The following MGST1 variants were observed in gnomAD, a reference collection of about 807,000 sequenced individuals.
MGST1 encodes glutathione S-transferase 12.
MGST1 carries 5 observed loss-of-function variants against 8.9 expected under a neutral mutation model. The ratio of observed to expected loss-of-function variants is 0.56; its 90% CI spans 0.29 to 1.19. MGST1 has a LOEUF of 1.19. Ranked by LOEUF, MGST1 falls within the 50% of genes most tolerant of loss-of-function variation. MGST1 has a pLI of 0.08. For missense variants in MGST1, 182 were observed against 187.4 expected (o/e 0.97, Z 0.17); for synonymous variants, 54 against 67.8 (o/e 0.80, Z 1.00).
intron 4 of MGST1, among the ~76,000 whole-genome samples, chr12:16,533,191 G>A (rs1941732735): frequency 6.6e-6 from 1 of 152,134 alleles, no homozygotes; most frequent in African/African-American, 2.4e-5. Flanking sequence ...AAAAGACAGA[G>A]GACTCTCATT....
chr12:16,514,222 G>C (rs1366993233), intron 4 of MGST1: 1 of 306,238 alleles, frequency 3.3e-6, no homozygotes, highest in Non-Finnish European at 6.4e-6. Flanking sequence ...CAAGAACATG[G>C]TCTTACACAG....
At chr12:16,358,560 G>A (rs545955050) in intron 3 of MGST1, among the ~76,000 whole-genome samples, 32 of 150,430 alleles carry the variant, frequency 2.1e-4, no homozygotes, top group South Asian at 8.5e-4. Flanking sequence ...TTCTTCTCCT[G>A]GGTTCAAACC....
At chr12:16,485,795 C>T (rs938393241) in intron 4 of MGST1, among the ~76,000 whole-genome samples, 1 of 152,116 alleles carries the variant, frequency 6.6e-6, no homozygotes, top group African/African-American at 2.4e-5. Context: ...CAAGTACTTA[C>T]ATTAGTCAAA....
intron 4 of MGST1, among the ~76,000 whole-genome samples, chr12:16,486,436 T>C (rs1409758001): frequency 6.6e-6 from 1 of 152,122 alleles, no homozygotes; most frequent in East Asian, 1.9e-4. Context: ...ATTTGAAAAA[T>C]GTATAAAATA....
At chr12:16,456,650 A>T (rs1941175364) in intron 4 of MGST1, among the ~76,000 whole-genome samples, 1 of 151,908 alleles carries the variant, frequency 6.6e-6, no homozygotes, top group East Asian at 1.9e-4. Context: ...ACATTAATCT[A>T]ATTCAGTATT....
At chr12:16,351,822 G>T (rs1251604030) in intron 1 of MGST1, among the ~76,000 whole-genome samples, 1 of 151,852 alleles carries the variant, frequency 6.6e-6, no homozygotes, top group Non-Finnish European at 1.5e-5. Context: ...AAAAAGAAAA[G>T]AAAAGGAAAC....
chr12:16,401,332 T>C lies in MGST1; in HGVS notation n.778+17728T>C, dbSNP rs1312910589. 4 of 1,358,866 alleles carry C rather than the reference T, an allele frequency of 2.9e-6. No homozygotes were observed. Among genetic ancestry groups the C allele is most frequent in the Non-Finnish European group, 4.2e-6 (4 of 951,568 alleles). 84.2% of individuals were successfully genotyped at this position (1,358,866 alleles called of 1,614,324 possible). A position where few individuals can be genotyped will look rare whatever the true frequency, so the allele number is the denominator to read the frequency against. On this transcript the variant is annotated intron_variant and non_coding_transcript_variant, in intron 1 of 1. Coordinates refer to the MGST1 transcript ENST00000359720. The surrounding 1 kb of genome is among the most constrained non-coding windows in gnomAD (Gnocchi z 4.3). ...CTTCAGTTTGTATTGATTTTTACTATTGATTACTAGGAAGCTTTCATGGAA... is the reference window on the plus strand; with the variant it reads ...CTTCAGTTTGTATTGATTTTTACTACTGATTACTAGGAAGCTTTCATGGAA...
At chr12:16,403,065 T>C (rs1940672812) in intron 1 of MGST1, among the ~76,000 whole-genome samples, 1 of 151,992 alleles carries the variant, frequency 6.6e-6, no homozygotes, top group Non-Finnish European at 1.5e-5. Context: ...ATAATCATTT[T>C]TATCCTTGAC....
downstream of MGST1, among the ~76,000 whole-genome samples, chr12:16,367,930 C>G (rs1484076183): frequency 8.1e-6 from 1 of 122,772 alleles, no homozygotes; most frequent in Non-Finnish European, 1.5e-5. Flanking sequence ...CTTGGGCTAT[C>G]CAATCATTCT....
chr12:16,531,518 G>A (rs1941723814), intron 4 of MGST1, among the ~76,000 whole-genome samples: 2 of 152,134 alleles, frequency 1.3e-5, no homozygotes, highest in South Asian at 2.1e-4. Context: ...GTACTCAGGA[G>A]GCTGAGGCAG....
At chr12:16,483,314 T>G (rs149344630) in intron 4 of MGST1, among the ~76,000 whole-genome samples, 180 of 152,050 alleles carry the variant, frequency 1.2e-3, no homozygotes, top group African/African-American at 4.3e-3. Context: ...TCTTCCTGAT[T>G]ATTAACTTTA....
chr12:16,410,590 C>T lies in MGST1; in HGVS notation n.779-26798C>T, dbSNP rs1940733943. 6.8e-6 allele frequency among the ~76,000 whole-genome samples: 1 copy of T among 147,490 alleles called. No individual in the cohort carries two copies. Among genetic ancestry groups the T allele is most frequent in the East Asian group, 1.9e-4 (1 of 5,134 alleles). On this transcript the variant is annotated intron_variant and non_coding_transcript_variant, in intron 1 of 1. Coordinates refer to the MGST1 transcript ENST00000359720. This position sits in a 1 kb window ranked among gnomAD's most constrained non-coding sequence, Gnocchi z 4.4. ...TACGTAATATATATTTTTACACATA[C>T]ATATTAATGTTTATATATTACATAT...
chr12:16,541,036 C>G (rs1941790139), intron 4 of MGST1, among the ~76,000 whole-genome samples: 1 of 152,088 alleles, frequency 6.6e-6, no homozygotes, highest in Non-Finnish European at 1.5e-5. Flanking sequence ...TTAATACACA[C>G]ATATATTAGG....
At chr12:16,565,223 A>C (rs755715975) in intron 4 of MGST1, among the ~76,000 whole-genome samples, 6 of 152,238 alleles carry the variant, frequency 3.9e-5, no homozygotes, top group Non-Finnish European at 7.3e-5. Context: ...CAATCAATTG[A>C]AAAGATTTTT....
At position 16,587,721 on chromosome 12, in the gene MGST1, T is replaced by C. The variant is rs188853672; in HGVS notation, n.483-1807T>C. On this transcript the variant is annotated intron_variant and non_coding_transcript_variant, in intron 4 of 4. Coordinates refer to the MGST1 transcript ENST00000538857. This position sits in a 1 kb window ranked among gnomAD's most constrained non-coding sequence, Gnocchi z 4.3. Reference sequence around the variant, plus strand: ...TCACTACAGGAGACAAACAATGATATGTATTACATGCAGTAAACACTGCCT... The same window carrying C: ...TCACTACAGGAGACAAACAATGATACGTATTACATGCAGTAAACACTGCCT... Among the ~76,000 whole-genome samples, 8 of 151,816 alleles carry C rather than the reference T, an allele frequency of 5.3e-5. No individual in the cohort carries two copies. The highest frequency in any genetic ancestry group is 1.2e-4 in the Non-Finnish European group (8 of 67,738).
At position 16,560,629 on chromosome 12, in the gene MGST1, C is replaced by A; in HGVS notation, n.483-28899C>A. On this transcript the variant is annotated intron_variant and non_coding_transcript_variant, in intron 4 of 4. Transcript: ENST00000538857. The surrounding 1 kb of genome is among the most constrained non-coding windows in gnomAD (Gnocchi z 5.0). The stretch of plus-strand genomic sequence containing the variant: ...GATGATGTTAATATACTCTGTAAAG[C>A]TACAATACACAATGCTTTATGATGT... 8.9e-7 allele frequency: 1 copy of A among 1,126,298 alleles called. No individual in the cohort carries two copies. The highest frequency in any genetic ancestry group is 2.1e-5 in the Admixed American group (1 of 46,922). The allele number at this position is 1,126,298 out of a possible 1,614,324, so 69.8% of individuals were successfully genotyped here.
intron 4 of MGST1, among the ~76,000 whole-genome samples, chr12:16,534,683 T>C (rs1678429511): frequency 6.6e-6 from 1 of 152,224 alleles, no homozygotes; most frequent in African/African-American, 2.4e-5. Flanking sequence ...GTTTTTATTT[T>C]TCTAGACAAT....
At chr12:16,562,886 A>C (rs73322829) in intron 4 of MGST1, among the ~76,000 whole-genome samples, 343 of 152,348 alleles carry the variant, frequency 2.3e-3, no homozygotes, top group Middle Eastern at 0.01. Context: ...CAATGTGCAC[A>C]AAACAGTTCT....
At chr12:16,533,789 T>C (rs1251727236) in intron 4 of MGST1, among the ~76,000 whole-genome samples, 1 of 152,064 alleles carries the variant, frequency 6.6e-6, no homozygotes, top group Non-Finnish European at 1.5e-5. Context: ...AAACAAACAC[T>C]GACAAGGGTG....
Sources: allele counts gnomAD v4.1 joint callset (sites outside exome capture counted in the v4.1 genomes callset), GRCh38; gene constraint gnomAD v4.1.1; non-coding constraint Gnocchi (gnomAD v3.1); transcripts MANE v1.5; gene names NCBI Gene and HGNC (gene_info 2026-07-23, HGNC 2026-07-21).